The following MGMT variants were observed in gnomAD, a reference collection of about 807,000 sequenced individuals.
MGMT encodes the protein O-6-methylguanine-DNA methyltransferase.
A neutral mutation model predicts 15.9 loss-of-function variants in MGMT; 14 were observed. The observed-to-expected ratio is 0.88, with a 90% CI of 0.58 to 1.37. The LOEUF is 1.37. Among genes scored for constraint, MGMT ranks in the 40% most tolerant of loss-of-function variants. The pLI is 0.00. For synonymous variants in MGMT, 130 were observed against 118.2 expected, an observed-to-expected ratio of 1.10 and a Z score of -0.65; for missense variants, 282 against 268.1, an observed-to-expected ratio of 1.05 and a Z score of -0.36.
rs537105350 is a variant in MGMT, at chr10:129,600,352, A to G, written c.125+63975A>G. Among the ~76,000 whole-genome samples, 4 of 152,368 alleles carry G rather than the reference A, an allele frequency of 2.6e-5. 1 individual carries two copies. In the South Asian group the frequency reaches 8.3e-4, roughly 32 times the overall value. On this transcript the variant is annotated intron_variant, in intron 2 of 4. Coordinates refer to ENST00000651593, the MANE Select transcript of MGMT (RefSeq NM_002412.5). ...CCACATGGGAAGGAGACTGTGGAAA[A>G]TAAACCAAGAGATTCTCTAGTAGGT...
chr10:129,742,186 G>T (rs1311859967), intron 3 of MGMT, among the ~76,000 whole-genome samples: 1 of 152,200 alleles, frequency 6.6e-6, no homozygotes, highest in Admixed American at 6.5e-5. Context: ...GTTCTGTCTG[G>T]GGAGGTCATG....
At chr10:129,749,542 A>G (rs1848730805) in intron 3 of MGMT, among the ~76,000 whole-genome samples, 1 of 152,178 alleles carries the variant, frequency 6.6e-6, no homozygotes, top group African/African-American at 2.4e-5. Flanking sequence ...CATTTTGGTC[A>G]CTTACAACTT....
At chr10:129,612,903 C>T (rs1227553358) in intron 2 of MGMT, among the ~76,000 whole-genome samples, 1 of 152,212 alleles carries the variant, frequency 6.6e-6, no homozygotes, top group African/African-American at 2.4e-5. Flanking sequence ...AGCAGTGAGA[C>T]TCTGTCCCCA....
intron 1 of MGMT, among the ~76,000 whole-genome samples, chr10:129,489,709 A>T (rs1845448762): frequency 4.6e-5 from 7 of 152,066 alleles, no homozygotes; most frequent in Middle Eastern, 3.4e-3. Context: ...CCGTGTCCTT[A>T]TTTTTTGTTG....
At chr10:129,469,546 A>G (rs76584780) in intron 1 of MGMT, among the ~76,000 whole-genome samples, 11,386 of 152,124 alleles carry the variant, frequency 0.075, 1,087 homozygotes, top group African/African-American at 0.22. Flanking sequence ...TTGGGACTCT[A>G]GTCCCTCCAG....
At chr10:129,505,430 A>G (rs962364352) in intron 1 of MGMT, among the ~76,000 whole-genome samples, 3 of 152,372 alleles carry the variant, frequency 2.0e-5, no homozygotes, top group South Asian at 4.1e-4. Flanking sequence ...TGTGATAAAT[A>G]TGTAAAGTAA....
chr10:129,605,879 A>G (rs1439273356), intron 2 of MGMT, among the ~76,000 whole-genome samples: 1 of 150,424 alleles, frequency 6.6e-6, no homozygotes, highest in Non-Finnish European at 1.5e-5. Flanking sequence ...ACATTCAAGA[A>G]CGGTGATTTT....
At chr10:129,570,469 G>A (rs889882445) in intron 2 of MGMT, among the ~76,000 whole-genome samples, 2 of 152,240 alleles carry the variant, frequency 1.3e-5, no homozygotes, top group African/African-American at 2.4e-5. Flanking sequence ...CGGGTCATCC[G>A]GAGAGGGACC....
chr10:129,766,940 G>C lies in MGMT; in HGVS notation c.567G>C (p.Gly189=). 1.2e-6 allele frequency: 2 copies of C among 1,613,094 alleles called. No individual in the cohort carries two copies. Among genetic ancestry groups the C allele is most frequent in the Non-Finnish European group, 1.7e-6 (2 of 1,179,858 alleles). The change falls in exon 5 of 5, where the codon GGG becomes GGC. Residue 189 remains glycine (G), a synonymous_variant. Transcript: ENST00000651593. ...PGLGGSSGLA[G]AWLKGAGATS... ...TGGGAGGGAGCTCAGGTCTGGCAGG[G>C]GCCTGGCTCAAGGGAGCGGGAGCTA... is the stretch of plus-strand genomic sequence containing the variant.
At chr10:129,510,726 T>C (rs893495570) in intron 1 of MGMT, among the ~76,000 whole-genome samples, 1 of 152,192 alleles carries the variant, frequency 6.6e-6, no homozygotes, top group Non-Finnish European at 1.5e-5. Flanking sequence ...GAAACCAGTA[T>C]ACCAGATGCA....
chr10:129,536,048 C>A (rs986666837), intron 1 of MGMT, among the ~76,000 whole-genome samples, 193 bp from the exon 2 acceptor site: 3 of 152,116 alleles, frequency 2.0e-5, no homozygotes, highest in African/African-American at 7.2e-5. Context: ...TGGTTGGCTG[C>A]TCTAGGTAAT....
chr10:129,536,353 T>C lies in MGMT; in HGVS notation c.101T>C (p.Leu34Pro). 6.2e-7 allele frequency: 1 copy of C among 1,613,798 alleles called. No homozygotes were observed. Residue 34 changes from leucine (L) to proline (P), a missense_variant, in exon 2 of 5, where the codon CTG becomes CCG. Coordinates refer to ENST00000651593, the MANE Select transcript of MGMT (RefSeq NM_002412.5). ...CAGGGTCTGCACGAAATAAAGCTCC[T>C]GGGCAAGGGGACGTCTGCAGCTGAG... is the stretch of plus-strand genomic sequence containing the variant. ...CEQGLHEIKL[L>P]GKGTSAADAV... is the part of the protein sequence containing the mutation.
At chr10:129,574,387 C>A (rs1217343105) in intron 2 of MGMT, among the ~76,000 whole-genome samples, 1 of 152,188 alleles carries the variant, frequency 6.6e-6, no homozygotes, top group Non-Finnish European at 1.5e-5. Flanking sequence ...CAGTTCATAC[C>A]AAGCTCACAT....
intron 3 of MGMT, among the ~76,000 whole-genome samples, chr10:129,716,329 T>C (rs1437087909): frequency 6.6e-6 from 1 of 152,204 alleles, no homozygotes; most frequent in African/African-American, 2.4e-5. Context: ...ACAACGACTT[T>C]TTTTTCTTGA....
chr10:129,552,622 A>G (rs1363829249), intron 2 of MGMT, among the ~76,000 whole-genome samples: 1 of 152,232 alleles, frequency 6.6e-6, no homozygotes, highest in Non-Finnish European at 1.5e-5. Context: ...TCGCAGGCAC[A>G]TCGTCTGGTT....
At chr10:129,682,254 A>G (rs575968357) in intron 2 of MGMT, among the ~76,000 whole-genome samples, 2 of 152,274 alleles carry the variant, frequency 1.3e-5, no homozygotes, top group East Asian at 3.9e-4. Context: ...ATGTCCTTCC[A>G]AAGATGAAAG....
intron 3 of MGMT, among the ~76,000 whole-genome samples, chr10:129,746,369 G>A (rs1365532936): frequency 6.7e-6 from 1 of 150,186 alleles, no homozygotes; most frequent in African/African-American, 2.4e-5. Flanking sequence ...ATGATTTGAA[G>A]GACATATCTA....
chr10:129,754,128 T>C (rs1316350062), intron 3 of MGMT, among the ~76,000 whole-genome samples: 3 of 152,050 alleles, frequency 2.0e-5, no homozygotes, highest in African/African-American at 4.8e-5. Context: ...CAGATACACA[T>C]GTGCATAGGC....
chr10:129,550,301 A>G (rs1001636811), intron 2 of MGMT, among the ~76,000 whole-genome samples: 1 of 149,086 alleles, frequency 6.7e-6, no homozygotes, highest in Non-Finnish European at 1.5e-5. Context: ...GGCATGTTTC[A>G]CAGTGTTCCG....
Sources: gnomAD v4.1 joint callset for allele counts (sites outside exome capture counted in the v4.1 genomes callset) on GRCh38, gnomAD v4.1.1 for gene constraint, MANE v1.5 for transcripts, NCBI Gene and HGNC (gene_info 2026-07-23, HGNC 2026-07-21) for gene names.